The following MFN1 variants were observed in gnomAD, a reference collection of about 807,000 sequenced individuals.
The protein encoded by MFN1 is mitofusin-1.
MFN1 carries 65 observed loss-of-function variants against 92.4 expected under a neutral mutation model. The observed-to-expected ratio is 0.70, with a 90% CI of 0.58 to 0.86. MFN1 has a LOEUF of 0.86. Among genes scored for constraint, MFN1 ranks in the 40% least tolerant of loss-of-function variants. The pLI, the probability that MFN1 is intolerant of heterozygous loss-of-function variation, is 0.00. For synonymous variants in MFN1, 297 were observed against 300.9 expected (o/e 0.99, Z 0.13); for missense variants, 781 against 868.0 (o/e 0.90, Z 1.26).
chr3:179,378,506 T>G, intron 13 of MFN1, 63 bp downstream of exon 13: 1 of 1,517,506 alleles, frequency 6.6e-7, no homozygotes, highest in South Asian at 1.2e-5. Flanking sequence ...GGTGAAGAGC[T>G]TATTTTCCTT....
chr3:179,374,947 CCT>C (rs1713181055), intron 9 of MFN1, among the ~76,000 whole-genome samples: 2 of 151,278 alleles, frequency 1.3e-5, no homozygotes, highest in South Asian at 4.2e-4. Context: ...AAAATAGTAC[CCT>C]GTTTATTTTT....
rs1174479769 is a variant in MFN1, at chr3:179,385,632, TC to T, written c.1727del (p.Ser576TyrfsTer6). On this transcript the variant is annotated frameshift_variant, in exon 15 of 18. Transcript: ENST00000471841. LOFTEE classifies it high-confidence loss of function. ...CACTCCAGCAACGCCAGATAATGCA[TC>T]ACAGGAAGAACTCATGATTACATTA... ...PTTPATPDNASQEELMITLVT... is the reference protein window; with the variant it reads ...PTTPATPDNAXQEELMITLVT... 4 of 1,613,756 alleles carry T rather than the reference TC, an allele frequency of 2.5e-6. No individual in the cohort carries two copies. The African/African-American group carries it at 5.3e-5, about 22-fold the overall frequency.
At chr3:179,372,178 G>T (rs1713051235) in intron 9 of MFN1, among the ~76,000 whole-genome samples, 1 of 149,286 alleles carries the variant, frequency 6.7e-6, no homozygotes, top group Non-Finnish European at 1.5e-5. Flanking sequence ...AGGGAGGGGA[G>T]AAGTAAACAA....
intron 17 of MFN1, 111 bp downstream of exon 17, chr3:179,390,249 A>C: frequency 1.0e-6 from 1 of 969,930 alleles, no homozygotes; most frequent in East Asian, 3.3e-5. Flanking sequence ...GTGTTGGTTT[A>C]AATGAAAATC....
At chr3:179,387,784 A>G (rs1275006447) in intron 16 of MFN1, among the ~76,000 whole-genome samples, 1 of 145,648 alleles carries the variant, frequency 6.9e-6, no homozygotes, top group Non-Finnish European at 1.5e-5. Context: ...GCTGGAGTGC[A>G]GTAGCACGAT....
intron 3 of MFN1, among the ~76,000 whole-genome samples, chr3:179,354,147 C>T (rs1473181490): frequency 6.6e-6 from 1 of 152,092 alleles, no homozygotes; most frequent in Non-Finnish European, 1.5e-5. Flanking sequence ...GAAGGAAGAG[C>T]CTCCTGGGAA....
chr3:179,380,228 C>T (rs1286970676), intron 14 of MFN1, among the ~76,000 whole-genome samples: 2 of 152,182 alleles, frequency 1.3e-5, no homozygotes, highest in African/African-American at 2.4e-5. Flanking sequence ...GACTCCAGAA[C>T]AAGTCTATAA....
intron 1 of MFN1, 131 bp from the exon 2 acceptor site, chr3:179,348,714 G>T (rs1712018521): frequency 2.2e-6 from 3 of 1,373,594 alleles, no homozygotes; most frequent in Non-Finnish European, 2.9e-6. Flanking sequence ...TCCCAAAAAA[G>T]AATTACCTAA....
At position 179,385,599 on chromosome 3, in the gene MFN1, G is replaced by T. The variant is rs1454185412; in HGVS notation, c.1693G>T (p.Ala565Ser). 1.2e-6 allele frequency: 2 copies of T among 1,609,032 alleles called. No homozygotes were observed. The highest frequency in any genetic ancestry group is 3.5e-4 in the Middle Eastern group (2 of 5,716). ...TAGATCTTTAGCTTCTACTCCCACT[G>T]CTCCTACCACTCCAGCAACGCCAGA... Reference protein sequence around the residue: ...LPRSLASTPTAPTTPATPDNA... With the variant: ...LPRSLASTPTSPTTPATPDNA... The change falls in exon 15 of 18, where the codon GCT becomes TCT. Residue 565 changes from alanine to serine, a missense_variant. Physicochemically the swap from Ala to Ser is moderately conservative, Grantham distance 99. Transcript: ENST00000471841.
chr3:179,385,315 T>G (rs1310599156), intron 14 of MFN1, among the ~76,000 whole-genome samples: 1 of 151,904 alleles, frequency 6.6e-6, no homozygotes, highest in Non-Finnish European at 1.5e-5. Flanking sequence ...TTGTTCCTCT[T>G]GAGAGTTGAG....
intron 9 of MFN1, among the ~76,000 whole-genome samples, chr3:179,370,239 T>A (rs1712966454): frequency 6.6e-6 from 1 of 151,880 alleles, no homozygotes; most frequent in Admixed American, 6.6e-5. Context: ...GTTTCTCACT[T>A]CTATATTTAA....
chr3:179,352,003 T>C lies in MFN1; in HGVS notation c.216T>C (p.Ser72=), dbSNP rs201365635. 1.2e-6 allele frequency: 2 copies of C among 1,604,850 alleles called. No individual in the cohort carries two copies. The highest frequency in any genetic ancestry group is 8.5e-7 in the Non-Finnish European group (1 of 1,173,406). Residue 72 remains serine (S), a synonymous_variant, in exon 3 of 18, where the codon TCT becomes TCC. Coordinates refer to ENST00000471841, the MANE Select transcript of MFN1 (RefSeq NM_033540.3). ...TTTCCATCATTGGTGAGGTGCTATC[T>C]CGGAGACACATGAAGGTGGCATTTT... The part of the protein sequence containing the change: ...DKLSIIGEVL[S]RRHMKVAFFG...
intron 11 of MFN1, 66 bp from the exon 12 acceptor site, chr3:179,377,278 T>C: frequency 6.6e-7 from 1 of 1,524,842 alleles, no homozygotes; most frequent in Non-Finnish European, 8.9e-7. Flanking sequence ...ATTTTTCAAT[T>C]TAATTTTTTT....
chr3:179,379,447 G>A (rs549778914), intron 14 of MFN1, among the ~76,000 whole-genome samples: 4 of 152,210 alleles, frequency 2.6e-5, no homozygotes, highest in South Asian at 4.1e-4. Context: ...TCCACCTCCC[G>A]GGTTCATGCG....
Position 179,375,335 on chromosome 3 carries a change from A to G in MFN1, c.1091A>G (p.Asp364Gly). ...IMDSVNLAAE[D>G]KRHYSVEERE... ...GATTCAGTAAACCTGGCAGCTGAAG[A>G]TAAAAGGTATGAGTTCATTTTGTTG... Residue 364 changes from aspartate to glycine, a missense_variant, in exon 10 of 18, where the codon GAT becomes GGT. Physicochemically the swap from Asp to Gly is moderately conservative, Grantham distance 94. Transcript: ENST00000471841. 1 of 1,612,514 alleles carries G rather than the reference A, an allele frequency of 6.2e-7. No individual in the cohort carries two copies. Among genetic ancestry groups the G allele is most frequent in the Non-Finnish European group, 8.5e-7 (1 of 1,179,556 alleles).
At chr3:179,366,848 A>G (rs573390514) in intron 7 of MFN1, among the ~76,000 whole-genome samples, 1 of 152,360 alleles carries the variant, frequency 6.6e-6, no homozygotes, top group South Asian at 2.1e-4. Context: ...TCTTCACTTC[A>G]GTGCCCAAGT....
intron 3 of MFN1, among the ~76,000 whole-genome samples, chr3:179,353,488 G>T (rs1044805075): frequency 6.6e-6 from 1 of 152,204 alleles, no homozygotes; most frequent in Non-Finnish European, 1.5e-5. Context: ...GATTACAGGC[G>T]TGAGCCACTG....
chr3:179,354,057 A>G (rs982952093), intron 3 of MFN1, among the ~76,000 whole-genome samples: 6 of 152,174 alleles, frequency 3.9e-5, no homozygotes, highest in Non-Finnish European at 7.3e-5. Context: ...CCATTTGACC[A>G]TATTCTCAGG....
chr3:179,350,612 A>G (rs1364157696), intron 2 of MFN1, among the ~76,000 whole-genome samples: 2 of 152,220 alleles, frequency 1.3e-5, no homozygotes, highest in African/African-American at 4.8e-5. Flanking sequence ...ATGTTGCAAA[A>G]AGGAGACAAA....
Sources: gnomAD v4.1 joint callset for allele counts (sites outside exome capture counted in the v4.1 genomes callset) on GRCh38, gnomAD v4.1.1 for gene constraint, MANE v1.5 for transcripts, NCBI Gene and HGNC (gene_info 2026-07-23, HGNC 2026-07-21) for gene names.